The following MAML2 variants were observed in gnomAD, a reference collection of about 807,000 sequenced individuals.
The protein encoded by MAML2 is mastermind like transcriptional coactivator 2, also known as mastermind-like protein 2.
A neutral mutation model predicts 96.1 loss-of-function variants in MAML2; 22 were observed. That is an observed-to-expected ratio of 0.23 (90% CI 0.16 to 0.33). MAML2 has a LOEUF of 0.33. Among genes scored for constraint, MAML2 ranks in the 10% least tolerant of loss-of-function variants. The pLI is 1.00. For synonymous variants in MAML2, 561 were observed against 521.3 expected (o/e 1.08, Z -1.04); for missense variants, 1,367 against 1,392.4 (o/e 0.98, Z 0.29).
intron 1 of MAML2, among the ~76,000 whole-genome samples, chr11:96,124,896 A>G (rs1401423255): frequency 6.6e-6 from 1 of 152,192 alleles, no homozygotes; most frequent in Non-Finnish European, 1.5e-5. Context: ...CAGCTTTCTC[A>G]AGATATTCTC....
At chr11:96,038,500 A>G (rs184931775) in intron 2 of MAML2, among the ~76,000 whole-genome samples, 4 of 152,366 alleles carry the variant, frequency 2.6e-5, no homozygotes, top group Admixed American at 6.5e-5. Context: ...CAACTATTCA[A>G]TCGCTTAGAA....
chr11:96,141,954 C>A (rs1006770890), intron 1 of MAML2, among the ~76,000 whole-genome samples: 1 of 152,056 alleles, frequency 6.6e-6, no homozygotes, highest in Non-Finnish European at 1.5e-5. Flanking sequence ...GGCGTTGGGG[C>A]GATCAAAAAA....
intron 1 of MAML2, among the ~76,000 whole-genome samples, chr11:96,139,416 G>T (rs1343471223): frequency 6.7e-6 from 1 of 150,166 alleles, no homozygotes; most frequent in Admixed American, 6.6e-5. Flanking sequence ...GGCAGAGCTT[G>T]CACTGAGCTG....
At chr11:96,278,305 A>C (rs1863018119) in intron 1 of MAML2, among the ~76,000 whole-genome samples, 1 of 152,186 alleles carries the variant, frequency 6.6e-6, no homozygotes, top group Non-Finnish European at 1.5e-5. Flanking sequence ...ATGTGGAGTA[A>C]ATTAATCTCT....
At chr11:96,172,319 T>C (rs1861309612) in intron 1 of MAML2, among the ~76,000 whole-genome samples, 1 of 152,238 alleles carries the variant, frequency 6.6e-6, no homozygotes, top group Non-Finnish European at 1.5e-5. Flanking sequence ...TAAATCTTAA[T>C]GCATATGGAT....
intron 1 of MAML2, among the ~76,000 whole-genome samples, chr11:96,235,842 G>A (rs1220095536): frequency 6.6e-6 from 1 of 152,218 alleles, no homozygotes; most frequent in Non-Finnish European, 1.5e-5. Context: ...CCTTGCTGCT[G>A]TATCACAGTC....
chr11:96,308,738 A>G (rs763488262), intron 1 of MAML2, among the ~76,000 whole-genome samples: 3 of 152,232 alleles, frequency 2.0e-5, no homozygotes, highest in Non-Finnish European at 2.9e-5. Context: ...ATGACTAGCT[A>G]TAATAATGTA....
At chr11:96,088,044 G>A (rs940845335) in intron 2 of MAML2, among the ~76,000 whole-genome samples, 3 of 152,176 alleles carry the variant, frequency 2.0e-5, no homozygotes, top group African/African-American at 7.2e-5. Flanking sequence ...CTTAAGATTA[G>A]ATATATACAA....
Position 96,342,055 on chromosome 11 carries a change from G to T in MAML2, c.-160C>A. 2 of 652,980 alleles carry T rather than the reference G, an allele frequency of 3.1e-6. No individual in the cohort carries two copies. The highest frequency in any genetic ancestry group is 5.1e-6 in the Non-Finnish European group (2 of 395,954). The allele number at this position is 652,980 out of a possible 1,614,324, so 40.4% of individuals were successfully genotyped here. A position where few individuals can be genotyped will look rare whatever the true frequency, so the allele number is the denominator to read the frequency against. On this transcript the variant is annotated 5_prime_UTR_variant, in exon 1 of 5. Transcript: ENST00000524717. ...TGTGGGGGAGCCGTGGAGAAGTTGTGGGGGAGGGGAGTTAGTAAAAAGAGG... is the reference window on the plus strand; with the variant it reads ...TGTGGGGGAGCCGTGGAGAAGTTGTTGGGGAGGGGAGTTAGTAAAAAGAGG...
intron 2 of MAML2, among the ~76,000 whole-genome samples, chr11:96,049,503 T>A (rs186903698): frequency 7.2e-4 from 109 of 152,312 alleles, no homozygotes; most frequent in Non-Finnish European, 1.1e-3. Context: ...TTATAAAGCA[T>A]CTCCATGAAG....
chr11:96,121,950 CTTTTTTTTTTTTTTTTTT>C (rs71040130), intron 1 of MAML2, among the ~76,000 whole-genome samples: 11 of 56,830 alleles, frequency 1.9e-4, no homozygotes, highest in African/African-American at 7.2e-4. Flanking sequence ...CCACGCCCGG[CTTTTTTTTTTTTTTTTTT>C]TTTTTTTTTT....
chr11:96,248,180 T>C (rs1862535749), intron 1 of MAML2, among the ~76,000 whole-genome samples: 1 of 149,946 alleles, frequency 6.7e-6, no homozygotes, highest in Non-Finnish European at 1.5e-5. Context: ...TGGCATGATC[T>C]CCGCTCACTG....
In MAML2 at chr11:96,027,836, A is replaced by G. The variant is rs182554409; in HGVS notation, c.2140-36113T>C. On this transcript the variant is annotated intron_variant, in intron 2 of 4. Coordinates refer to ENST00000524717, the MANE Select transcript of MAML2 (RefSeq NM_032427.4). Reference sequence around the variant, plus strand: ...AGCCTCAACCTCCTGGGCTCAGGTGATCCTCCTGCCTCAGCCTCCCAAGTA... The same window carrying G: ...AGCCTCAACCTCCTGGGCTCAGGTGGTCCTCCTGCCTCAGCCTCCCAAGTA... Among the ~76,000 whole-genome samples, 59 of 152,186 alleles carry G rather than the reference A, an allele frequency of 3.9e-4. 1 individual carries two copies. Among genetic ancestry groups the G allele is most frequent in the African/African-American group, 1.3e-3 (55 of 41,512 alleles).
chr11:96,212,877 G>T (rs1346748799), intron 1 of MAML2, among the ~76,000 whole-genome samples: 1 of 152,184 alleles, frequency 6.6e-6, no homozygotes, highest in Non-Finnish European at 1.5e-5. Context: ...TTGAATCTCT[G>T]CAGGCAAATT....
intron 1 of MAML2, among the ~76,000 whole-genome samples, chr11:96,280,737 T>C (rs1457252163): frequency 2.6e-5 from 4 of 152,240 alleles, no homozygotes; most frequent in African/African-American, 7.2e-5. Context: ...TGGAACATTA[T>C]ATTGGGACAT....
At chr11:96,151,376 CAGTTATG>C (rs1860918473) in intron 1 of MAML2, among the ~76,000 whole-genome samples, 1 of 152,318 alleles carries the variant, frequency 6.6e-6, no homozygotes, top group African/African-American at 2.4e-5. Context: ...TCTTGCATTA[CAGTTATG>C]AGTTATATTT....
intron 1 of MAML2, among the ~76,000 whole-genome samples, chr11:96,115,412 T>C (rs1712312145): frequency 6.6e-6 from 1 of 151,700 alleles, no homozygotes; most frequent in African/African-American, 2.4e-5. Context: ...CTCAAGCAAA[T>C]CTCTTGCCTC....
At chr11:96,187,287 A>G (rs1298941499) in intron 1 of MAML2, among the ~76,000 whole-genome samples, 1 of 152,256 alleles carries the variant, frequency 6.6e-6, no homozygotes, top group Non-Finnish European at 1.5e-5. Context: ...TGGTTTTCTC[A>G]GACTTTCAAA....
chr11:96,177,639 G>T (rs540821639), intron 1 of MAML2, among the ~76,000 whole-genome samples: 83 of 152,282 alleles, frequency 5.5e-4, no homozygotes, highest in African/African-American at 1.9e-3. Context: ...TAGAAAAGCT[G>T]CAATCACATT....
Sources: allele counts gnomAD v4.1 joint callset (sites outside exome capture counted in the v4.1 genomes callset), GRCh38; gene constraint gnomAD v4.1.1; transcripts MANE v1.5; gene names NCBI Gene and HGNC (gene_info 2026-07-23, HGNC 2026-07-21).